Variants in SNX13 observed in about 807,000 individuals in gnomAD.
The protein encoded by SNX13 is sorting nexin 13.
In SNX13, 45 loss-of-function variants were observed where a neutral mutation model predicts 133.6. The observed-to-expected ratio is 0.34, with a 90% CI of 0.27 to 0.43. SNX13 has a LOEUF of 0.43. Among genes scored for constraint, SNX13 ranks in the 20% least tolerant of loss-of-function variants. The pLI is 1.00. For missense variants in SNX13, 1,032 were observed against 1,145.1 expected, an observed-to-expected ratio of 0.90 and a Z score of 1.43; for synonymous variants, 414 against 373.9, an observed-to-expected ratio of 1.11 and a Z score of -1.24.
At chr7:17,929,681 A>C (rs1014461604) in intron 1 of SNX13, among the ~76,000 whole-genome samples, 1 of 152,206 alleles carries the variant, frequency 6.6e-6, no homozygotes, top group African/African-American at 2.4e-5. Context: ...TAGCATTTCA[A>C]AAGCATAATA....
intron 5 of SNX13, chr7:17,882,765 AG>A (rs974353491): frequency 8.7e-7 from 1 of 1,154,576 alleles, no homozygotes; most frequent in African/African-American, 1.7e-5. Flanking sequence ...TAGAACTGAA[AG>A]GGTTCTCAAA....
At chr7:17,885,579 G>A (rs1795898448) in intron 5 of SNX13, among the ~76,000 whole-genome samples, 1 of 152,192 alleles carries the variant, frequency 6.6e-6, no homozygotes, top group African/African-American at 2.4e-5. Flanking sequence ...TGTAATCCCA[G>A]CACTTTGGGA....
At chr7:17,868,516 C>G in intron 8 of SNX13, 26 bp from the exon 9 acceptor site, 2 of 1,505,270 alleles carry the variant, frequency 1.3e-6, no homozygotes, top group Non-Finnish European at 1.8e-6. Context: ...ATAACAAAAA[C>G]AAATTTAATC....
intron 1 of SNX13, among the ~76,000 whole-genome samples, chr7:17,934,566 CAGAA>C (rs1176343103): frequency 6.6e-6 from 1 of 152,144 alleles, no homozygotes. Flanking sequence ...ATAACAAAAA[CAGAA>C]AGAGGTATAT....
At chr7:17,879,899 C>T (rs1416243025) in intron 5 of SNX13, 3 of 152,200 alleles carry the variant, frequency 2.0e-5, no homozygotes, top group Admixed American at 1.3e-4. Context: ...TCTCTAACAA[C>T]ACTCATTACA....
intron 15 of SNX13, chr7:17,832,637 G>A (rs1159720191): frequency 8.2e-6 from 2 of 243,826 alleles, no homozygotes; most frequent in Non-Finnish European, 1.3e-5. Context: ...AGTAAGTACA[G>A]ATATATAGAA....
At chr7:17,820,334 A>T (rs1193432123) in intron 18 of SNX13, among the ~76,000 whole-genome samples, 1 of 152,130 alleles carries the variant, frequency 6.6e-6, no homozygotes, top group Non-Finnish European at 1.5e-5. Flanking sequence ...AAAAAGATAT[A>T]TGAGCTATAT....
intron 22 of SNX13, among the ~76,000 whole-genome samples, chr7:17,800,426 G>C (rs1784491304): frequency 1.3e-5 from 2 of 151,718 alleles, no homozygotes; most frequent in Non-Finnish European, 3.0e-5. Flanking sequence ...GTACAGTGGG[G>C]AAAAGATGGC....
intron 22 of SNX13, among the ~76,000 whole-genome samples, 191 bp downstream of exon 22, chr7:17,801,397 T>C (rs1054801217): frequency 1.3e-5 from 2 of 151,922 alleles, no homozygotes; most frequent in African/African-American, 4.8e-5. Context: ...AGGGCTTTTC[T>C]GGAGTAGTGA....
intron 12 of SNX13, among the ~76,000 whole-genome samples, chr7:17,845,030 G>T (rs575874143): frequency 6.6e-6 from 1 of 152,204 alleles, no homozygotes; most frequent in African/African-American, 2.4e-5. Context: ...TCAGGAACAA[G>T]ACAAAGATGC....
intron 25 of SNX13, chr7:17,796,307 T>C (rs1451412581): frequency 6.6e-6 from 1 of 152,236 alleles, no homozygotes; most frequent in Non-Finnish European, 1.5e-5. Flanking sequence ...TTTTAAGTAA[T>C]AAAGATTAAT....
intron 1 of SNX13, among the ~76,000 whole-genome samples, chr7:17,939,806 A>G (rs1185192457): frequency 2.0e-5 from 3 of 152,204 alleles, no homozygotes; most frequent in Non-Finnish European, 4.4e-5. Flanking sequence ...GTCAAAGTAG[A>G]GGGTGGGAAA....
intron 17 of SNX13, 79 bp downstream of exon 17, chr7:17,825,943 A>T: frequency 9.2e-7 from 1 of 1,084,158 alleles, no homozygotes; most frequent in Non-Finnish European, 1.3e-6. Flanking sequence ...ATGGTTAGTA[A>T]AAATTAAGTG....
At chr7:17,898,537 A>T (rs1175284760) in intron 1 of SNX13, among the ~76,000 whole-genome samples, 2 of 152,216 alleles carry the variant, frequency 1.3e-5, no homozygotes, top group Admixed American at 1.3e-4. Context: ...ACATACCCCC[A>T]TAAATCTACA....
At chr7:17,937,889 T>C (rs973682947) in intron 1 of SNX13, among the ~76,000 whole-genome samples, 1 of 152,164 alleles carries the variant, frequency 6.6e-6, no homozygotes, top group African/African-American at 2.4e-5. Flanking sequence ...ATTCACCACT[T>C]TCTGAGCACA....
intron 25 of SNX13, 87 bp downstream of exon 25, chr7:17,796,740 A>G: frequency 1.1e-6 from 1 of 924,898 alleles, no homozygotes; most frequent in Non-Finnish European, 1.8e-6. Flanking sequence ...TGTTATAATC[A>G]AAAGGCAGTT....
chr7:17,932,746 A>G (rs1801540960), intron 1 of SNX13, among the ~76,000 whole-genome samples: 1 of 152,218 alleles, frequency 6.6e-6, no homozygotes, highest in African/African-American at 2.4e-5. Context: ...TCCATTTCAG[A>G]GCTGCTGTCT....
At chr7:17,897,211 AG>A in intron 2 of SNX13, 122 bp downstream of exon 2, 1 of 473,450 alleles carries the variant, frequency 2.1e-6, no homozygotes, top group Non-Finnish European at 3.6e-6. Flanking sequence ...TTTTAACTTT[AG>A]TAAAAGCAAT....
At chr7:17,810,282 G>A (rs926781411) in intron 20 of SNX13, among the ~76,000 whole-genome samples, 15 of 151,960 alleles carry the variant, frequency 9.9e-5, no homozygotes. Flanking sequence ...AATGATAAAG[G>A]GGATATCACC....
Sources: allele counts gnomAD v4.1 joint callset (sites outside exome capture counted in the v4.1 genomes callset), GRCh38; gene constraint gnomAD v4.1.1; transcripts MANE v1.5; gene names NCBI Gene and HGNC (gene_info 2026-07-23, HGNC 2026-07-21).